LDB2: variants seen among roughly 807,000 people sequenced by gnomAD.
LDB2 encodes the protein LIM domain binding 2, also known as LIM domain-binding protein 2.
A neutral mutation model predicts 44.3 loss-of-function variants in LDB2; 12 were observed. The ratio of observed to expected loss-of-function variants is 0.27; its 90% CI spans 0.17 to 0.44. The LOEUF (loss-of-function observed/expected upper bound fraction) is 0.44. Ranked by LOEUF, LDB2 falls within the 20% of genes least tolerant of loss-of-function variation. The pLI, the probability that LDB2 is intolerant of heterozygous loss-of-function variation, is 1.00. For synonymous variants in LDB2, 164 were observed against 174.8 expected (o/e 0.94, Z 0.49); for missense variants, 344 against 473.5 (o/e 0.73, Z 2.54).
intron 2 of LDB2, among the ~76,000 whole-genome samples, chr4:16,737,062 T>A (rs1225098794): frequency 6.6e-6 from 1 of 152,190 alleles, no homozygotes; most frequent in East Asian, 1.9e-4. Context: ...AAAATGTATT[T>A]TTTTTGTAAC....
At position 16,809,909 on chromosome 4, in the gene LDB2, C is replaced by G. The variant is rs116690914; in HGVS notation, c.133-50649G>C. On this transcript the variant is annotated intron_variant, in intron 1 of 7. Transcript: ENST00000304523. ...AATCTACAGGCTTTAATACACTCGG[C>G]GGTAAATAACTAACAAGTACTGCAC... is the stretch of plus-strand genomic sequence containing the variant. Among the ~76,000 whole-genome samples, 1,093 of 152,226 alleles carry G rather than the reference C, an allele frequency of 7.2e-3. 13 individuals are homozygous for G. The highest frequency in any genetic ancestry group is 0.025 in the African/African-American group (1,021 of 41,526).
At chr4:16,770,374 T>A (rs1281520496) in intron 1 of LDB2, among the ~76,000 whole-genome samples, 1 of 152,230 alleles carries the variant, frequency 6.6e-6, no homozygotes, top group Non-Finnish European at 1.5e-5. Flanking sequence ...CCAGCACTTT[T>A]AATTTTATGA....
Position 16,759,142 on chromosome 4 carries a change from T to G in LDB2, c.235+16A>C. The G allele has an allele frequency of 1.3e-6, 2 of 1,573,296 alleles. No homozygotes were observed. The highest frequency in any genetic ancestry group is 1.7e-6 in the Non-Finnish European group (2 of 1,143,152). On this transcript the variant is annotated intron_variant, in intron 2 of 7. Transcript: ENST00000304523. Reference sequence around the variant, plus strand: ...ACAAAACGAGGTAATATTAGAAAAATAAACTTCTTTCTTACTGTATCGCTT... The same window carrying G: ...ACAAAACGAGGTAATATTAGAAAAAGAAACTTCTTTCTTACTGTATCGCTT...
chr4:16,838,665 C>A (rs898331371), intron 1 of LDB2, among the ~76,000 whole-genome samples: 1 of 152,184 alleles, frequency 6.6e-6, no homozygotes. Context: ...CCAACACACA[C>A]TGAGGTCACC....
chr4:16,895,907 T>C (rs1260572834), intron 1 of LDB2, among the ~76,000 whole-genome samples: 1 of 152,132 alleles, frequency 6.6e-6, no homozygotes, highest in African/African-American at 2.4e-5. Flanking sequence ...AAATTTAATA[T>C]TTGATGTAAA....
At chr4:16,727,514 G>A (rs1330648599) in intron 2 of LDB2, among the ~76,000 whole-genome samples, 3 of 152,156 alleles carry the variant, frequency 2.0e-5, no homozygotes, top group Non-Finnish European at 2.9e-5. Context: ...GAATGCAGTT[G>A]AAACGCATCT....
rs555224763 is a variant in LDB2 at position 16,508,707 on chromosome 4, G to T, written c.740-21C>A. 7.4e-4 allele frequency: 1,188 copies of T among 1,611,862 alleles called. 14 individuals carry two copies. In the South Asian group the frequency reaches 0.012, roughly 17 times the overall value. ...TTCTGCTGCAATATGGAAAAGGGAAGAGGGATCAGTTCTAGGGCAAAAGCA... is the reference window on the plus strand; with the variant it reads ...TTCTGCTGCAATATGGAAAAGGGAATAGGGATCAGTTCTAGGGCAAAAGCA... On this transcript the variant is annotated intron_variant, in intron 6 of 7. Transcript: ENST00000304523.
chr4:16,673,070 C>A (rs1289195353), intron 2 of LDB2, among the ~76,000 whole-genome samples: 2 of 151,822 alleles, frequency 1.3e-5, no homozygotes, highest in East Asian at 1.9e-4. Flanking sequence ...TTTCTTTCAC[C>A]AGCTCACTGA....
intron 5 of LDB2, among the ~76,000 whole-genome samples, chr4:16,575,402 C>G (rs760940149): frequency 7.2e-5 from 11 of 152,146 alleles, no homozygotes; most frequent in Non-Finnish European, 1.5e-4. Context: ...CTCTTCCAGA[C>G]AGAGAGTCAG....
chr4:16,754,458 C>T (rs1331063465), intron 2 of LDB2, among the ~76,000 whole-genome samples: 1 of 152,028 alleles, frequency 6.6e-6, no homozygotes, highest in Admixed American at 6.6e-5. Context: ...TCATTCTATG[C>T]TTCAAATGGT....
chr4:16,829,417 A>C (rs1373351428), intron 1 of LDB2, among the ~76,000 whole-genome samples: 1 of 150,904 alleles, frequency 6.6e-6, no homozygotes, highest in Admixed American at 6.6e-5. Flanking sequence ...CAGAAAGCAG[A>C]AGAAAACTTT....
At chr4:16,642,070 G>C (rs1735340092) in intron 2 of LDB2, among the ~76,000 whole-genome samples, 1 of 152,074 alleles carries the variant, frequency 6.6e-6, no homozygotes, top group Non-Finnish European at 1.5e-5. Context: ...GCCAAAAATA[G>C]AAATAAGACA....
intron 1 of LDB2, among the ~76,000 whole-genome samples, chr4:16,772,829 T>C (rs149464854): frequency 2.0e-3 from 306 of 152,280 alleles, no homozygotes; most frequent in Non-Finnish European, 2.3e-3. Flanking sequence ...ATCTTTAAAA[T>C]ATAATGTTCA....
At chr4:16,854,728 G>T (rs1788993721) in intron 1 of LDB2, among the ~76,000 whole-genome samples, 1 of 149,076 alleles carries the variant, frequency 6.7e-6, no homozygotes, top group South Asian at 2.1e-4. Flanking sequence ...TATTATGTGT[G>T]TATATATATA....
intron 2 of LDB2, among the ~76,000 whole-genome samples, chr4:16,657,468 T>C (rs1740226305): frequency 6.6e-6 from 1 of 152,204 alleles, no homozygotes; most frequent in South Asian, 2.1e-4. Flanking sequence ...TCCTGCCTCC[T>C]TGTCATCCAT....
chr4:16,770,943 G>A (rs889556593), intron 1 of LDB2, among the ~76,000 whole-genome samples: 3 of 152,132 alleles, frequency 2.0e-5, no homozygotes, highest in Admixed American at 1.3e-4. Flanking sequence ...GAGAGGTCCC[G>A]AGATGCAGGA....
At chr4:16,760,672 T>C (rs1041465625) in intron 1 of LDB2, among the ~76,000 whole-genome samples, 1 of 152,176 alleles carries the variant, frequency 6.6e-6, no homozygotes, top group Non-Finnish European at 1.5e-5. Flanking sequence ...CTCAAAGGGC[T>C]TAAAGCCCAC....
intron 2 of LDB2, among the ~76,000 whole-genome samples, chr4:16,692,685 A>G (rs1465315534): frequency 6.6e-6 from 1 of 152,168 alleles, no homozygotes; most frequent in Non-Finnish European, 1.5e-5. Context: ...GGAGCATAGC[A>G]GGAGAGACAG....
At chr4:16,560,017 A>G (rs201060695) in intron 5 of LDB2, among the ~76,000 whole-genome samples, 10,705 of 152,256 alleles carry the variant, frequency 0.07, 453 homozygotes, top group East Asian at 0.2. Flanking sequence ...TTTGAAACCA[A>G]CCAGAACAAA....
Sources: allele counts gnomAD v4.1 joint callset (sites outside exome capture counted in the v4.1 genomes callset), GRCh38; gene constraint gnomAD v4.1.1; transcripts MANE v1.5; gene names NCBI Gene and HGNC (gene_info 2026-07-23, HGNC 2026-07-21).